JARID2: variants seen among roughly 807,000 people sequenced by gnomAD.
The protein encoded by JARID2 is protein Jumonji.
A neutral mutation model predicts 125.6 loss-of-function variants in JARID2; 21 were observed. That is an observed-to-expected ratio of 0.17 (90% CI 0.12 to 0.24). The LOEUF (loss-of-function observed/expected upper bound fraction) is 0.24. JARID2 is among the 10% of genes least tolerant of loss of function. The pLI is 1.00. For synonymous variants in JARID2, 736 were observed against 661.6 expected, an observed-to-expected ratio of 1.11 and a Z score of -1.73; for missense variants, 1,303 against 1,639.6, an observed-to-expected ratio of 0.79 and a Z score of 3.55.
At chr6:15,333,420 A>T (rs572319619) in intron 1 of JARID2, among the ~76,000 whole-genome samples, 4 of 152,250 alleles carry the variant, frequency 2.6e-5, no homozygotes, top group African/African-American at 7.2e-5. Context: ...GGATATTCCT[A>T]TTTTGGCCAC....
chr6:15,369,182 C>T (rs560114558), intron 1 of JARID2: 6 of 286,964 alleles, frequency 2.1e-5, no homozygotes, highest in South Asian at 2.0e-4. Flanking sequence ...GTTCTGTTCT[C>T]CTTTTTGTCT....
intron 1 of JARID2, among the ~76,000 whole-genome samples, chr6:15,268,879 G>A (rs1297943976): frequency 6.6e-6 from 1 of 152,182 alleles, no homozygotes. Context: ...TTTTTCAGAA[G>A]TGGAAGCCAA....
At chr6:15,400,414 C>T (rs1765379460) in intron 2 of JARID2, among the ~76,000 whole-genome samples, 1 of 150,746 alleles carries the variant, frequency 6.6e-6, no homozygotes, top group Admixed American at 6.6e-5. Context: ...TGCTGAATGA[C>T]ACAGATTATG....
At chr6:15,490,301 CTG>C (rs763574476) in intron 6 of JARID2, among the ~76,000 whole-genome samples, 3 of 151,990 alleles carry the variant, frequency 2.0e-5, no homozygotes, top group Non-Finnish European at 2.9e-5. Flanking sequence ...ATAAATGTGA[CTG>C]TATTGAAATG....
rs199650748 is a variant in JARID2, at chr6:15,511,420, C to T, written c.2952+19C>T. Reference sequence around the variant, plus strand: ...CGTCATGGTGCGTCCACTCAGCCACCGCCTCCAGCAGGAGCTGTAGGACCT... The same window carrying T: ...CGTCATGGTGCGTCCACTCAGCCACTGCCTCCAGCAGGAGCTGTAGGACCT... On this transcript the variant is annotated intron_variant, in intron 13 of 17. Coordinates refer to ENST00000341776, the MANE Select transcript of JARID2 (RefSeq NM_004973.4). 4.8e-5 allele frequency: 75 copies of T among 1,557,820 alleles called. No individual in the cohort carries two copies. Among genetic ancestry groups the T allele is most frequent in the East Asian group, 4.3e-4 (19 of 44,648 alleles).
At chr6:15,416,359 C>T (rs530742677) in intron 3 of JARID2, among the ~76,000 whole-genome samples, 1 of 152,168 alleles carries the variant, frequency 6.6e-6, no homozygotes, top group African/African-American at 2.4e-5. Context: ...GAGTTTGTAG[C>T]GAGCCGAGAT....
At chr6:15,354,307 A>G (rs1041379085) in intron 1 of JARID2, among the ~76,000 whole-genome samples, 3 of 152,198 alleles carry the variant, frequency 2.0e-5, no homozygotes, top group Non-Finnish European at 2.9e-5. Flanking sequence ...AGGGCACGGT[A>G]TTGGATTCTC....
rs1771604748 is a variant in JARID2 at position 15,517,185 on chromosome 6, G to A, written c.3475G>A (p.Val1159Met). 6.2e-7 allele frequency: 1 copy of A among 1,614,036 alleles called. No homozygotes were observed. The highest frequency in any genetic ancestry group is 8.5e-7 in the Non-Finnish European group (1 of 1,179,912). ...GGTGGTACAAGAGAACGAAAACGTC[G>A]TGTTCTGTCTGGAGTGTGCTCTGCG... ...SMVVQENENV[V>M]FCLECALRHV... is the part of the protein sequence containing the mutation. The change falls in exon 17 of 18, where the codon GTG (valine) becomes ATG (methionine). Residue 1159 changes from valine to methionine, a missense_variant. Val to Met is a conservative substitution (Grantham distance 21). Coordinates refer to ENST00000341776, the MANE Select transcript of JARID2 (RefSeq NM_004973.4).
chr6:15,282,646 C>T (rs1271367115), intron 1 of JARID2, among the ~76,000 whole-genome samples: 3 of 151,948 alleles, frequency 2.0e-5, no homozygotes, highest in Non-Finnish European at 4.4e-5. Context: ...CTCTTGTTGC[C>T]CAGGCTGAAG....
At chr6:15,306,380 G>A (rs916109747) in intron 1 of JARID2, among the ~76,000 whole-genome samples, 6 of 145,258 alleles carry the variant, frequency 4.1e-5, no homozygotes, top group African/African-American at 1.5e-4. Context: ...TGTTGCCCAG[G>A]GTGGAGTGCA....
At chr6:15,415,976 C>T (rs1019051026) in intron 3 of JARID2, among the ~76,000 whole-genome samples, 18 of 147,300 alleles carry the variant, frequency 1.2e-4, no homozygotes, top group Admixed American at 1.1e-3. Flanking sequence ...TCAGACAGGG[C>T]GGCTGGGCAG....
intron 2 of JARID2, among the ~76,000 whole-genome samples, chr6:15,383,945 C>G (rs1764687049): frequency 6.6e-6 from 1 of 152,162 alleles, no homozygotes; most frequent in East Asian, 1.9e-4. Flanking sequence ...CAGGCATGCG[C>G]CAAGACGCCC....
Position 15,468,701 on chromosome 6 carries a change from A to G in JARID2, c.653A>G (p.His218Arg). ...STPRKGKTHKHVHNGHVFNGS... is the reference protein window; with the variant it reads ...STPRKGKTHKRVHNGHVFNGS... ...CCCAGGAAAGGAAAAACCCACAAAC[A>G]TGTTCACAACGGGCATGGTAGGTCC... The change falls in exon 5 of 18, where the codon CAT becomes CGT. Residue 218 changes from histidine to arginine, a missense_variant. This residue lies in a region of JARID2 where 651 missense variants were observed against 581.6 expected (regional missense o/e 1.12). Transcript: ENST00000341776. 2 of 1,613,312 alleles carry G rather than the reference A, an allele frequency of 1.2e-6. No homozygotes were observed. Among genetic ancestry groups the G allele is most frequent in the Non-Finnish European group, 1.7e-6 (2 of 1,179,626 alleles).
chr6:15,249,918 A>G (rs1759376847), intron 1 of JARID2, among the ~76,000 whole-genome samples: 1 of 152,228 alleles, frequency 6.6e-6, no homozygotes, highest in African/African-American at 2.4e-5. Flanking sequence ...GACTTGGACA[A>G]TAAAAACAGT....
chr6:15,429,327 T>A (rs560174236), intron 3 of JARID2, among the ~76,000 whole-genome samples: 1 of 152,066 alleles, frequency 6.6e-6, no homozygotes, highest in Admixed American at 6.6e-5. Context: ...TGCAATGGTG[T>A]CATCATAGGC....
At chr6:15,470,176 C>CAAAA (rs34467447) in intron 5 of JARID2, among the ~76,000 whole-genome samples, 2 of 128,894 alleles carry the variant, frequency 1.6e-5, no homozygotes, top group African/African-American at 2.9e-5. Flanking sequence ...GACTCTGTCT[C>CAAAA]AAAAAAAAAA....
In JARID2 at chr6:15,291,891, G is replaced by A. The variant is rs184650607; in HGVS notation, c.45+45307G>A. Among the ~76,000 whole-genome samples, 522 of 152,154 alleles carry A rather than the reference G, an allele frequency of 3.4e-3. 2 individuals carry two copies. The highest frequency in any genetic ancestry group is 0.012 in the African/African-American group (494 of 41,516). ...TGTTTTTCTATTTTTTTACTGGACA[G>A]TGTCATAGCATTTTCTTATGTTATT... On this transcript the variant is annotated intron_variant, in intron 1 of 17. Transcript: ENST00000341776.
intron 1 of JARID2, among the ~76,000 whole-genome samples, chr6:15,271,285 A>T (rs1194213818): frequency 6.6e-6 from 1 of 152,212 alleles, no homozygotes; most frequent in Non-Finnish European, 1.5e-5. Flanking sequence ...TCTTGTTAAA[A>T]TGCAGCTCCT....
chr6:15,249,442 G>A (rs1759349828), intron 1 of JARID2, among the ~76,000 whole-genome samples: 1 of 152,190 alleles, frequency 6.6e-6, no homozygotes, highest in South Asian at 2.1e-4. Context: ...AAGAGCACAG[G>A]ACTCCTTTAA....
Sources: gnomAD v4.1 joint callset for allele counts (sites outside exome capture counted in the v4.1 genomes callset) on GRCh38, gnomAD v4.1.1 for gene constraint, gnomAD v4.1.1 regional missense constraint, MANE v1.5 for transcripts, NCBI Gene and HGNC (gene_info 2026-07-23, HGNC 2026-07-21) for gene names.